SNTB1: variants seen among roughly 807,000 people sequenced by gnomAD.
SNTB1 encodes beta-1-syntrophin.
A neutral mutation model predicts 48.9 loss-of-function variants in SNTB1; 36 were observed. That is an observed-to-expected ratio of 0.74 (90% CI 0.56 to 0.97). SNTB1 has a LOEUF of 0.97. Among genes scored for constraint, SNTB1 ranks in the 50% least tolerant of loss-of-function variants. SNTB1 has a pLI of 0.00. For synonymous variants in SNTB1, 299 were observed against 294.6 expected, an observed-to-expected ratio of 1.01 and a Z score of -0.15; for missense variants, 786 against 703.4, an observed-to-expected ratio of 1.12 and a Z score of -1.33.
At chr8:120,542,710 CCA>C (rs5894525) in intron 5 of SNTB1, among the ~76,000 whole-genome samples, 68,750 of 149,344 alleles carry the variant, frequency 0.46, 18,621 homozygotes, top group African/African-American at 0.77. Flanking sequence ...ACCTTATCAT[CCA>C]CACACACACA....
intron 1 of SNTB1, among the ~76,000 whole-genome samples, chr8:120,749,481 C>T (rs1819177264): frequency 6.6e-6 from 1 of 152,058 alleles, no homozygotes; most frequent in Non-Finnish European, 1.5e-5. Flanking sequence ...GATCAATATA[C>T]TCTGCATAAA....
intron 1 of SNTB1, among the ~76,000 whole-genome samples, chr8:120,757,867 A>G (rs1373879056): frequency 2.4e-5 from 3 of 125,112 alleles, no homozygotes; most frequent in South Asian, 5.0e-4. Context: ...GGGACATGTG[A>G]GCTTGGAAGT....
At chr8:120,587,648 GT>G (rs1270452215) in intron 3 of SNTB1, among the ~76,000 whole-genome samples, 1 of 152,172 alleles carries the variant, frequency 6.6e-6, no homozygotes, top group African/African-American at 2.4e-5. Context: ...GCTGTAAACC[GT>G]TTAAGCATCA....
chr8:120,778,738 A>G (rs1355516893), intron 1 of SNTB1, among the ~76,000 whole-genome samples: 1 of 152,164 alleles, frequency 6.6e-6, no homozygotes, highest in African/African-American at 2.4e-5. Context: ...CATATAAATA[A>G]CCTTGACATA....
intron 1 of SNTB1, among the ~76,000 whole-genome samples, chr8:120,724,371 A>C (rs1818719164): frequency 6.6e-6 from 1 of 152,218 alleles, no homozygotes; most frequent in Admixed American, 6.5e-5. Flanking sequence ...GTCACCTGCC[A>C]GGTAAGGGGT....
chr8:120,650,773 A>G (rs183783046), intron 2 of SNTB1, among the ~76,000 whole-genome samples: 25 of 152,340 alleles, frequency 1.6e-4, no homozygotes, highest in Admixed American at 1.6e-3. Context: ...AGAAAGTGAT[A>G]GAGAGTAAAG....
At chr8:120,663,183 C>T (rs181639053) in intron 2 of SNTB1, among the ~76,000 whole-genome samples, 3 of 152,318 alleles carry the variant, frequency 2.0e-5, no homozygotes, top group African/African-American at 7.2e-5. Flanking sequence ...AATTACCTCT[C>T]TGCATCTGAG....
intron 2 of SNTB1, among the ~76,000 whole-genome samples, chr8:120,690,162 T>C (rs1818101200): frequency 6.6e-6 from 1 of 152,228 alleles, no homozygotes. Flanking sequence ...TGTTCCATTT[T>C]ATTAGTATTG....
chr8:120,646,997 G>T (rs1404125884), intron 2 of SNTB1, among the ~76,000 whole-genome samples: 1 of 151,534 alleles, frequency 6.6e-6, no homozygotes. Context: ...TATTTCTGTG[G>T]GATCGATGGT....
chr8:120,811,474 C>T lies in SNTB1; in HGVS notation c.370G>A (p.Gly124Arg), dbSNP rs1820431499. The change falls in exon 1 of 7, where the codon GGG (glycine) becomes AGG (arginine). Residue 124 changes from glycine to arginine, a missense_variant. Transcript: ENST00000517992. ...KVLKQELGGL[G>R]ISIKGGKENK... Reference sequence around the variant, plus strand: ...TCCTTGCCCCCCTTGATGCTGATCCCCAGCCCGCCCAGCTCCTGCTTCAGC... The same window carrying T: ...TCCTTGCCCCCCTTGATGCTGATCCTCAGCCCGCCCAGCTCCTGCTTCAGC... 6.2e-7 allele frequency: 1 copy of T among 1,614,016 alleles called. No individual in the cohort carries two copies. Among genetic ancestry groups the T allele is most frequent in the Non-Finnish European group, 8.5e-7 (1 of 1,179,920 alleles).
intron 3 of SNTB1, among the ~76,000 whole-genome samples, chr8:120,585,454 TC>T (rs1816124228): frequency 6.6e-6 from 1 of 152,352 alleles, no homozygotes; most frequent in East Asian, 1.9e-4. Flanking sequence ...TATCTAAATT[TC>T]CCTCTTAATA....
intron 1 of SNTB1, among the ~76,000 whole-genome samples, chr8:120,795,319 G>A (rs970196737): frequency 3.3e-5 from 5 of 151,842 alleles, no homozygotes; most frequent in Admixed American, 3.3e-4. Context: ...ACATAGCAAG[G>A]CTGGCATGCA....
rs911771820 is a variant in SNTB1 at position 120,535,860 on chromosome 8, C to T, written c.*3017G>A. On this transcript the variant is annotated 3_prime_UTR_variant, in exon 7 of 7. Coordinates refer to ENST00000517992, the MANE Select transcript of SNTB1 (RefSeq NM_021021.4). ...AAAGTCCAGATACATCCAAAAATTACCCCCTCACTGTAGCCTACTCCAATC... is the reference window on the plus strand; with the variant it reads ...AAAGTCCAGATACATCCAAAAATTATCCCCTCACTGTAGCCTACTCCAATC... 2.0e-5 allele frequency: 3 copies of T among 151,946 alleles called. No homozygotes were observed. The highest frequency in any genetic ancestry group is 2.4e-5 in the African/African-American group (1 of 41,290). The allele number at this position is 151,946 out of a possible 1,614,324, so 9.4% of individuals were successfully genotyped here.
At chr8:120,643,887 C>A (rs1299090019) in intron 2 of SNTB1, among the ~76,000 whole-genome samples, 1 of 152,178 alleles carries the variant, frequency 6.6e-6, no homozygotes, top group Non-Finnish European at 1.5e-5. Flanking sequence ...CACCAGCAGA[C>A]ACACCATGAG....
intron 1 of SNTB1, among the ~76,000 whole-genome samples, chr8:120,787,695 A>G (rs1021734115): frequency 4.6e-5 from 7 of 152,152 alleles, no homozygotes; most frequent in African/African-American, 1.7e-4. Flanking sequence ...AAAAAATTAA[A>G]AGAAATGAAT....
chr8:120,787,103 T>C (rs73707121), intron 1 of SNTB1, among the ~76,000 whole-genome samples: 3,493 of 152,174 alleles, frequency 0.023, 127 homozygotes, highest in African/African-American at 0.08. Context: ...GGATTCTCTA[T>C]AAACAAGAAA....
chr8:120,751,692 C>T (rs1353938880), intron 1 of SNTB1, among the ~76,000 whole-genome samples: 3 of 152,090 alleles, frequency 2.0e-5, no homozygotes, highest in Non-Finnish European at 4.4e-5. Context: ...CCATCACTTA[C>T]TAGTTATATC....
At chr8:120,629,358 C>G (rs937034614) in intron 3 of SNTB1, among the ~76,000 whole-genome samples, 1 of 152,190 alleles carries the variant, frequency 6.6e-6, no homozygotes, top group East Asian at 1.9e-4. Flanking sequence ...ATATAAATGC[C>G]GCTTTTAAAA....
At chr8:120,677,613 T>A (rs1293415482) in intron 2 of SNTB1, among the ~76,000 whole-genome samples, 2 of 150,978 alleles carry the variant, frequency 1.3e-5, no homozygotes, top group Non-Finnish European at 3.0e-5. Flanking sequence ...AGGGCTGGAT[T>A]TTTTTTTTAA....
Sources: allele counts gnomAD v4.1 joint callset (sites outside exome capture counted in the v4.1 genomes callset), GRCh38; gene constraint gnomAD v4.1.1; transcripts MANE v1.5; gene names NCBI Gene and HGNC (gene_info 2026-07-23, HGNC 2026-07-21).